KLHL1: variants seen among roughly 807,000 people sequenced by gnomAD.
KLHL1 encodes the protein kelch-like protein 1.
A neutral mutation model predicts 77.7 loss-of-function variants in KLHL1; 47 were observed. The observed-to-expected ratio is 0.60, with a 90% CI of 0.48 to 0.77. The LOEUF (loss-of-function observed/expected upper bound fraction) is 0.77. Ranked by LOEUF, KLHL1 falls within the 30% of genes least tolerant of loss-of-function variation. The pLI, the probability that KLHL1 is intolerant of heterozygous loss-of-function variation, is 0.00. For missense variants in KLHL1, 925 were observed against 910.8 expected (o/e 1.02, Z -0.20); for synonymous variants, 360 against 325.2 (o/e 1.11, Z -1.15).
chr13:69,866,773 AT>A (rs1341515341), intron 5 of KLHL1, among the ~76,000 whole-genome samples: 2 of 152,130 alleles, frequency 1.3e-5, no homozygotes, highest in Non-Finnish European at 2.9e-5. Flanking sequence ...GCATTGGGAA[AT>A]GCTTATCTAG....
Position 69,707,705 on chromosome 13 carries a change from A to T in KLHL1, c.2107T>A (p.Tyr703Asn), listed in dbSNP as rs756781958. 1.9e-6 allele frequency: 3 copies of T among 1,612,824 alleles called. No individual in the cohort carries two copies. The African/African-American group carries it at 4.0e-5, about 22-fold the overall frequency. ...TGTCCATCATAGCCACCAACAGCAT[A>T]TAATCTGTCACCAAGGAGACAGACC... is the stretch of plus-strand genomic sequence containing the variant. ...VGVCLLGDRLYAVGGYDGQTY... is the reference protein window; with the variant it reads ...VGVCLLGDRLNAVGGYDGQTY... Residue 703 changes from tyrosine (Y) to asparagine (N), a missense_variant, in exon 10 of 11, where the codon TAT becomes AAT. Tyr to Asn is a moderately radical substitution (Grantham distance 143, BLOSUM62 -2). Transcript: ENST00000377844.
chr13:69,707,858 A>G, intron 9 of KLHL1, 62 bp from the exon 10 acceptor site: 1 of 1,402,658 alleles, frequency 7.1e-7, no homozygotes, highest in East Asian at 2.5e-5. Context: ...TACTATAAAA[A>G]TTTTACTTTT....
chr13:69,877,247 A>G (rs1311798524), intron 5 of KLHL1, among the ~76,000 whole-genome samples: 8 of 152,158 alleles, frequency 5.3e-5, no homozygotes, highest in Non-Finnish European at 1.0e-4. Flanking sequence ...CAAAAATCTG[A>G]TACTTATGGG....
chr13:69,890,945 A>G (rs1881406512), intron 4 of KLHL1, among the ~76,000 whole-genome samples: 1 of 152,092 alleles, frequency 6.6e-6, no homozygotes, highest in Non-Finnish European at 1.5e-5. Context: ...AAATTATACA[A>G]CGAAGAAAAG....
chr13:69,875,248 T>TA (rs572671584), intron 5 of KLHL1, among the ~76,000 whole-genome samples: 1 of 151,998 alleles, frequency 6.6e-6, no homozygotes, highest in Admixed American at 6.6e-5. Flanking sequence ...TTAATAATTA[T>TA]AAAAAATAAC....
At chr13:70,073,367 T>C (rs915930849) in intron 1 of KLHL1, among the ~76,000 whole-genome samples, 2 of 151,802 alleles carry the variant, frequency 1.3e-5, no homozygotes, top group African/African-American at 4.8e-5. Flanking sequence ...AGGAGAACAC[T>C]TGGACACAGG....
chr13:69,940,916 T>C (rs980235621), intron 3 of KLHL1, among the ~76,000 whole-genome samples: 8 of 151,870 alleles, frequency 5.3e-5, no homozygotes, highest in African/African-American at 1.9e-4. Context: ...ATCTTTGAAG[T>C]TTTATGGACT....
intron 6 of KLHL1, among the ~76,000 whole-genome samples, chr13:69,837,436 C>T (rs1879044624): frequency 6.6e-6 from 1 of 151,150 alleles, no homozygotes; most frequent in Non-Finnish European, 1.5e-5. Flanking sequence ...GTAATGATTA[C>T]AAGCAACAAA....
At chr13:69,824,990 T>A (rs2138084461) in intron 6 of KLHL1, among the ~76,000 whole-genome samples, 1 of 152,008 alleles carries the variant, frequency 6.6e-6, no homozygotes, top group Middle Eastern at 3.4e-3. Flanking sequence ...ATGTTTTCAA[T>A]TTTGAAATGC....
At chr13:69,990,547 A>T (rs1188533990) in intron 1 of KLHL1, among the ~76,000 whole-genome samples, 1 of 152,078 alleles carries the variant, frequency 6.6e-6, no homozygotes, top group Non-Finnish European at 1.5e-5. Flanking sequence ...AAGACTTTAA[A>T]CCAACAAAGA....
chr13:69,856,641 C>T (rs1198185100), intron 5 of KLHL1, among the ~76,000 whole-genome samples: 1 of 152,034 alleles, frequency 6.6e-6, no homozygotes, highest in East Asian at 1.9e-4. Context: ...CTTTTATCTG[C>T]AATCACCTTA....
intron 1 of KLHL1, among the ~76,000 whole-genome samples, chr13:70,095,243 AG>A (rs1887759294): frequency 6.6e-6 from 1 of 152,206 alleles, no homozygotes; most frequent in African/African-American, 2.4e-5. Flanking sequence ...CACCACTTCC[AG>A]AATAAAATGT....
At chr13:69,935,033 T>G (rs1235089601) in intron 4 of KLHL1, among the ~76,000 whole-genome samples, 1 of 148,104 alleles carries the variant, frequency 6.8e-6, no homozygotes, top group East Asian at 2.0e-4. Flanking sequence ...ATTATCATTA[T>G]AAAGTATTAT....
intron 1 of KLHL1, among the ~76,000 whole-genome samples, chr13:70,040,649 T>C (rs530882922): frequency 6.6e-6 from 1 of 152,274 alleles, no homozygotes; most frequent in South Asian, 2.1e-4. Context: ...CTATTTGTCT[T>C]TAGTATTTGT....
intron 1 of KLHL1, among the ~76,000 whole-genome samples, chr13:70,055,761 TATA>T (rs1886729864): frequency 6.6e-6 from 1 of 151,980 alleles, no homozygotes; most frequent in Admixed American, 6.6e-5. Flanking sequence ...TAAAATGGAG[TATA>T]ATATTTTGTT....
intron 6 of KLHL1, among the ~76,000 whole-genome samples, chr13:69,837,614 C>A (rs2042459): frequency 0.12 from 16,183 of 136,508 alleles, 2,540 homozygotes; most frequent in African/African-American, 0.36. Flanking sequence ...ATCTCTCTCT[C>A]TATATATATG....
At chr13:69,952,018 T>A (rs936230914) in intron 3 of KLHL1, among the ~76,000 whole-genome samples, 1 of 151,440 alleles carries the variant, frequency 6.6e-6, no homozygotes, top group Non-Finnish European at 1.5e-5. Flanking sequence ...TCTTGGATAG[T>A]GCACTTTGAA....
intron 4 of KLHL1, among the ~76,000 whole-genome samples, chr13:69,926,187 A>T (rs1355295980): frequency 6.6e-6 from 1 of 152,192 alleles, no homozygotes; most frequent in Non-Finnish European, 1.5e-5. Context: ...ATCCTGCAAC[A>T]TGTGTTTTCG....
chr13:69,979,100 T>C (rs918862708), intron 1 of KLHL1, among the ~76,000 whole-genome samples: 7 of 151,916 alleles, frequency 4.6e-5, no homozygotes, highest in African/African-American at 1.5e-4. Flanking sequence ...GACTTGGACT[T>C]TTTCTGACAA....
Sources: gnomAD v4.1 joint callset for allele counts (sites outside exome capture counted in the v4.1 genomes callset) on GRCh38, gnomAD v4.1.1 for gene constraint, MANE v1.5 for transcripts, NCBI Gene and HGNC (gene_info 2026-07-23, HGNC 2026-07-21) for gene names.